Variants in CDH18 observed in about 807,000 individuals in gnomAD.
The protein encoded by CDH18 is cadherin-18.
A neutral mutation model predicts 67.9 loss-of-function variants in CDH18; 31 were observed. The observed-to-expected ratio is 0.46, with a 90% CI of 0.34 to 0.62. CDH18 has a LOEUF of 0.62. CDH18 is among the 20% of genes least tolerant of loss of function. The pLI is 0.01. For missense variants in CDH18, 890 were observed against 975.5 expected (o/e 0.91, Z 1.17); for synonymous variants, 362 against 347.2 (o/e 1.04, Z -0.48).
intron 1 of CDH18, among the ~76,000 whole-genome samples, chr5:20,415,125 C>A (rs113328758): frequency 6.6e-6 from 1 of 152,104 alleles, no homozygotes; most frequent in Non-Finnish European, 1.5e-5. Flanking sequence ...GTGGCTCACG[C>A]CTGTAATCCT....
At chr5:19,680,256 C>G in intron 5 of CDH18, among the ~76,000 whole-genome samples, 1 of 150,740 alleles carries the variant, frequency 6.6e-6, no homozygotes, top group East Asian at 1.9e-4. Flanking sequence ...TACTTCCTTA[C>G]ACCATATAAA....
chr5:20,176,891 G>C (rs1737277747), intron 2 of CDH18, among the ~76,000 whole-genome samples: 1 of 152,008 alleles, frequency 6.6e-6, no homozygotes, highest in South Asian at 2.1e-4. Context: ...GTGCTTGTAA[G>C]TTAATTTGCA....
At chr5:19,599,593 TAAAG>T (rs1169978935) in intron 6 of CDH18, among the ~76,000 whole-genome samples, 1 of 151,950 alleles carries the variant, frequency 6.6e-6, no homozygotes, top group Admixed American at 6.6e-5. Flanking sequence ...TGTGTAGCAG[TAAAG>T]AGTGACTAAA....
chr5:20,116,999 G>A (rs6873205), intron 2 of CDH18, among the ~76,000 whole-genome samples: 44,106 of 150,380 alleles, frequency 0.29, 7,687 homozygotes, highest in Admixed American at 0.38. Flanking sequence ...CTTTCCACTT[G>A]GAGAGATAAA....
At chr5:19,664,692 T>A (rs1302740555) in intron 5 of CDH18, among the ~76,000 whole-genome samples, 2 of 152,026 alleles carry the variant, frequency 1.3e-5, no homozygotes, top group African/African-American at 2.4e-5. Flanking sequence ...TGCATTGGAA[T>A]AAGCTAACAT....
intron 2 of CDH18, among the ~76,000 whole-genome samples, chr5:19,994,273 A>G (rs1800152454): frequency 6.7e-6 from 1 of 148,424 alleles, no homozygotes; most frequent in Non-Finnish European, 1.5e-5. Flanking sequence ...ATATATGTAT[A>G]CATATATACA....
At chr5:20,049,098 C>T (rs1741170342) in intron 2 of CDH18, among the ~76,000 whole-genome samples, 1 of 151,516 alleles carries the variant, frequency 6.6e-6, no homozygotes, top group Non-Finnish European at 1.5e-5. Flanking sequence ...CATCAACTAA[C>T]ATGTATTTAC....
intron 3 of CDH18, among the ~76,000 whole-genome samples, chr5:19,785,663 AAAAAAAAAAAAAAAAAAT>A (rs1287856779): frequency 6.9e-5 from 4 of 58,170 alleles, no homozygotes; most frequent in African/African-American, 3.2e-4. Flanking sequence ...TCAAAAAAAA[AAAAAAAAAAAAAAAAAAT>A]ATATATATAT....
At chr5:19,516,262 T>C (rs1271064418) in intron 10 of CDH18, among the ~76,000 whole-genome samples, 1 of 152,220 alleles carries the variant, frequency 6.6e-6, no homozygotes, top group African/African-American at 2.4e-5. Context: ...AGTATTTTAT[T>C]GAGGATTTTC....
chr5:20,306,458 T>G (rs1736466128), intron 1 of CDH18, among the ~76,000 whole-genome samples: 1 of 152,150 alleles, frequency 6.6e-6, no homozygotes, highest in African/African-American at 2.4e-5. Flanking sequence ...TTTGTCTCCG[T>G]AATCTACCAT....
At chr5:20,438,834 T>C (rs1468334270) in intron 1 of CDH18, among the ~76,000 whole-genome samples, 1 of 151,544 alleles carries the variant, frequency 6.6e-6, no homozygotes, top group Non-Finnish European at 1.5e-5. Flanking sequence ...CTTCTTTCCT[T>C]TAATTATAAT....
chr5:20,324,159 A>C (rs889844112), intron 1 of CDH18, among the ~76,000 whole-genome samples: 1 of 152,206 alleles, frequency 6.6e-6, no homozygotes, highest in Admixed American at 6.5e-5. Context: ...AACACACTGG[A>C]TCAGTTCAAA....
At chr5:20,415,678 C>A (rs950417991) in intron 1 of CDH18, among the ~76,000 whole-genome samples, 1 of 152,006 alleles carries the variant, frequency 6.6e-6, no homozygotes, top group Non-Finnish European at 1.5e-5. Context: ...GAGGCTGAGG[C>A]AGGAGAATGG....
At chr5:20,122,425 A>G (rs1167218405) in intron 2 of CDH18, among the ~76,000 whole-genome samples, 2 of 152,216 alleles carry the variant, frequency 1.3e-5, no homozygotes, top group Non-Finnish European at 2.9e-5. Context: ...TTCATTGAAC[A>G]CCATCAGGTT....
intron 2 of CDH18, among the ~76,000 whole-genome samples, chr5:19,994,250 C>CACATATATGTAT (rs1249148614): frequency 8.0e-4 from 112 of 139,382 alleles, no homozygotes; most frequent in African/African-American, 3.1e-3. Flanking sequence ...CACACATATA[C>CACATATATGTAT]ACATATATAC....
At chr5:19,533,790 T>C (rs1689681) in intron 9 of CDH18, among the ~76,000 whole-genome samples, 4 of 152,102 alleles carry the variant, frequency 2.6e-5, no homozygotes, top group South Asian at 2.1e-4. Flanking sequence ...GGTTGATATA[T>C]AGGATGGCAC....
intron 5 of CDH18, among the ~76,000 whole-genome samples, chr5:19,690,288 T>C (rs771775584): frequency 2.6e-4 from 39 of 151,542 alleles, no homozygotes; most frequent in Admixed American, 5.9e-4. Context: ...CCAAAACCTA[T>C]TGGATACAGC....
At chr5:19,989,194 T>G (rs78136718), upstream of CDH18, among the ~76,000 whole-genome samples, 2,226 of 151,956 alleles carry the variant, frequency 0.015, 65 homozygotes, top group African/African-American at 0.051. Context: ...AGTGTAGGAG[T>G]TTATCTAAAT....
intron 1 of CDH18, among the ~76,000 whole-genome samples, chr5:20,307,840 A>G (rs1736606260): frequency 6.6e-6 from 1 of 152,156 alleles, no homozygotes; most frequent in Non-Finnish European, 1.5e-5. Context: ...CAGCTGACAC[A>G]GGGTCTAATA....
Sources: gnomAD v4.1 joint callset for allele counts (sites outside exome capture counted in the v4.1 genomes callset) on GRCh38, gnomAD v4.1.1 for gene constraint, MANE v1.5 for transcripts, NCBI Gene and HGNC (gene_info 2026-07-23, HGNC 2026-07-21) for gene names.